Variants in MME observed in about 807,000 individuals in gnomAD.
MME encodes membrane metalloendopeptidase.
A neutral mutation model predicts 113.2 loss-of-function variants in MME; 98 were observed. The observed-to-expected ratio is 0.87, with a 90% CI of 0.74 to 1.02. The LOEUF is 1.02. MME is among the 50% of genes least tolerant of loss of function. The pLI is 0.00. For synonymous variants in MME, 292 were observed against 300.6 expected (o/e 0.97, Z 0.30); for missense variants, 836 against 896.0 (o/e 0.93, Z 0.86).
intron 3 of MME, among the ~76,000 whole-genome samples, chr3:155,108,585 A>G (rs984003472): frequency 3.3e-5 from 5 of 151,318 alleles, no homozygotes; most frequent in Admixed American, 6.6e-5. Context: ...GACAAGAGTG[A>G]GACTTCATCT....
intron 19 of MME, 31 bp from the exon 20 acceptor site, chr3:155,168,701 A>T (rs770214449): frequency 6.2e-7 from 1 of 1,612,190 alleles, no homozygotes; most frequent in South Asian, 1.1e-5. Flanking sequence ...TTCTTTTTTT[A>T]ACAATCCTAA....
intron 16 of MME, among the ~76,000 whole-genome samples, chr3:155,158,003 CA>C (rs1722437172): frequency 6.6e-6 from 1 of 152,042 alleles, no homozygotes; most frequent in Non-Finnish European, 1.5e-5. Flanking sequence ...AGCACTAAAA[CA>C]AAAGGTATGA....
Position 155,104,671 on chromosome 3 carries a change from C to T in MME, c.197-10323C>T, listed in dbSNP as rs1717543931. 2.0e-5 allele frequency among the ~76,000 whole-genome samples: 3 copies of T among 152,156 alleles called. No homozygotes were observed. The South Asian group carries it at 6.2e-4, about 31-fold the overall frequency. On this transcript the variant is annotated intron_variant, in intron 3 of 22. Coordinates refer to ENST00000360490, the MANE Select transcript of MME (RefSeq NM_007289.4). ...AACAGAAGGAACATGGGTGTGGACC[C>T]CCATTGCTCCCTCTTCAGAGATGTC... is the stretch of plus-strand genomic sequence containing the variant.
At chr3:155,133,463 C>T (rs1008847806) in intron 8 of MME, among the ~76,000 whole-genome samples, 15 of 151,686 alleles carry the variant, frequency 9.9e-5, no homozygotes, top group African/African-American at 3.6e-4. Flanking sequence ...CTTGTGCTTG[C>T]CTTATATCAA....
intron 13 of MME, 146 bp from the exon 14 acceptor site, chr3:155,144,213 C>T: frequency 5.9e-6 from 4 of 672,344 alleles, no homozygotes; most frequent in Non-Finnish European, 1.1e-5. Context: ...TCCCATATAT[C>T]TGTTAGCTTA....
At position 155,160,462 on chromosome 3, in the gene MME, T is replaced by G; in HGVS notation, c.1660+14T>G. On this transcript the variant is annotated intron_variant, in intron 17 of 22. Transcript: ENST00000360490. ...GAAATCAGATAGGTAAGGTGTATTC[T>G]TAAATAATTATTTAATATTTCTCTA... The G allele has an allele frequency of 6.5e-7, 1 of 1,535,234 alleles. No individual in the cohort carries two copies. The highest frequency in any genetic ancestry group is 2.3e-5 in the East Asian group (1 of 44,382).
In MME at chr3:155,073,760, AT is replaced by A. The variant is rs1714657567; in HGVS notation, c.-10-10397del. Among the ~76,000 whole-genome samples, 10 of 151,978 alleles carry A rather than the reference AT, an allele frequency of 6.6e-5. No individual in the cohort carries two copies. The South Asian group carries it at 2.1e-3, about 32-fold the overall frequency. On this transcript the variant is annotated intron_variant, in intron 1 of 22. Coordinates refer to the MME transcript ENST00000492661. ...TTTTTTTTACAATGCTTTTTTAAGG[AT>A]ATATCTATATATTTATACCAATGCC...
intron 1 of MME, among the ~76,000 whole-genome samples, chr3:155,062,272 C>T (rs910940496): frequency 6.6e-6 from 1 of 152,108 alleles, no homozygotes; most frequent in Non-Finnish European, 1.5e-5. Flanking sequence ...TGCAAGAATA[C>T]CCCTTAATAT....
chr3:155,090,205 G>C (rs984405602), intron 3 of MME: 1 of 152,618 alleles, frequency 6.6e-6, no homozygotes, highest in Non-Finnish European at 1.5e-5. Context: ...TCTCAGAACT[G>C]TCCACTCCTT....
At chr3:155,178,506 G>C (rs2108388582) in intron 22 of MME, among the ~76,000 whole-genome samples, 1 of 152,214 alleles carries the variant, frequency 6.6e-6, no homozygotes, top group East Asian at 1.9e-4. Flanking sequence ...CTTCTCTACA[G>C]GTAATCACTG....
intron 1 of MME, among the ~76,000 whole-genome samples, chr3:155,030,104 A>T (rs764737418): frequency 1.3e-5 from 2 of 152,182 alleles, no homozygotes; most frequent in South Asian, 2.1e-4. Context: ...CAGAAATTAG[A>T]TCTAAACGCC....
chr3:155,111,068 G>A (rs1169751405), intron 3 of MME, among the ~76,000 whole-genome samples: 2 of 152,198 alleles, frequency 1.3e-5, no homozygotes, highest in African/African-American at 4.8e-5. Context: ...TATGTGGAGA[G>A]GTTGAGTAAT....
intron 1 of MME, among the ~76,000 whole-genome samples, chr3:155,031,298 A>G (rs1433040802): frequency 1.3e-5 from 2 of 152,060 alleles, no homozygotes; most frequent in African/African-American, 2.4e-5. Flanking sequence ...CAGTAGTTTC[A>G]TTTTCATTCT....
intron 1 of MME, among the ~76,000 whole-genome samples, chr3:155,034,542 G>A (rs1190362817): frequency 1.3e-5 from 2 of 152,114 alleles, no homozygotes; most frequent in African/African-American, 4.8e-5. Flanking sequence ...AATTTACAGG[G>A]TTTTTTGAAC....
intron 1 of MME, among the ~76,000 whole-genome samples, chr3:155,037,047 G>A (rs1713151430): frequency 6.6e-6 from 1 of 152,148 alleles, no homozygotes; most frequent in African/African-American, 2.4e-5. Context: ...ATGTCAAGGT[G>A]TATTACTGGA....
chr3:155,028,942 C>A (rs1712879494), intron 1 of MME, among the ~76,000 whole-genome samples: 2 of 152,134 alleles, frequency 1.3e-5, no homozygotes, highest in South Asian at 4.1e-4. Context: ...CACTTCATAT[C>A]AAAACAGAAT....
At chr3:155,128,328 C>T (rs975479236) in intron 8 of MME, among the ~76,000 whole-genome samples, 6 of 152,174 alleles carry the variant, frequency 3.9e-5, no homozygotes, top group African/African-American at 1.4e-4. Context: ...CACCTGCAAT[C>T]CCTCAGTTTC....
intron 9 of MME, among the ~76,000 whole-genome samples, chr3:155,139,758 T>A (rs183038175): frequency 2.5e-4 from 38 of 152,302 alleles, no homozygotes; most frequent in Admixed American, 2.1e-3. Context: ...GCACCTTTTT[T>A]TCCTTGCTGA....
chr3:155,121,931 TA>T (rs1719181793), intron 8 of MME, among the ~76,000 whole-genome samples: 1 of 86,054 alleles, frequency 1.2e-5, no homozygotes, highest in Non-Finnish European at 2.3e-5. Context: ...GCTGGCCTCA[TA>T]AAATGAGTTA....
Sources: gnomAD v4.1 joint callset for allele counts (sites outside exome capture counted in the v4.1 genomes callset) on GRCh38, gnomAD v4.1.1 for gene constraint, MANE v1.5 for transcripts, NCBI Gene and HGNC (gene_info 2026-07-23, HGNC 2026-07-21) for gene names.